Variants in HS2ST1 observed in about 807,000 individuals in gnomAD.
The protein encoded by HS2ST1 is heparan sulfate 2-O-sulfotransferase 1, also known as 2-O-sulfotransferase.
HS2ST1 carries 18 observed loss-of-function variants against 42.9 expected under a neutral mutation model. The ratio of observed to expected loss-of-function variants is 0.42; its 90% CI spans 0.29 to 0.62. The LOEUF (loss-of-function observed/expected upper bound fraction) is 0.62, where lower values mean the gene tolerates loss of function less well. Ranked by LOEUF, HS2ST1 falls within the 20% of genes least tolerant of loss-of-function variation. The pLI is 0.21. For synonymous variants in HS2ST1, 146 were observed against 152.9 expected (o/e 0.95, Z 0.33); for missense variants, 334 against 433.8 (o/e 0.77, Z 2.04).
At chr1:86,990,393 G>A (rs1167190703) in intron 1 of HS2ST1, among the ~76,000 whole-genome samples, 1 of 152,076 alleles carries the variant, frequency 6.6e-6, no homozygotes, top group African/African-American at 2.4e-5. Context: ...CAGAAATTAA[G>A]CATCACATTT....
In HS2ST1 at chr1:87,108,311, G is replaced by C. The variant is rs1652373967; in HGVS notation, c.*3615G>C. ...AATCATCTAACTGGATTTTTCCATT[G>C]GTCATTCCCAAACACACCTATGGTC... On this transcript the variant is annotated 3_prime_UTR_variant, in exon 7 of 7. Transcript: ENST00000370550. 6.6e-6 allele frequency: 1 copy of C among 151,956 alleles called. No homozygotes were observed. The highest frequency in any genetic ancestry group is 6.6e-5 in the Admixed American group (1 of 15,234). 9.4% of individuals were successfully genotyped at this position (151,956 alleles called of 1,614,324 possible).
chr1:87,036,855 A>G (rs1370507726), intron 1 of HS2ST1, among the ~76,000 whole-genome samples: 1 of 152,146 alleles, frequency 6.6e-6, no homozygotes, highest in Non-Finnish European at 1.5e-5. Flanking sequence ...GTATTTTAAA[A>G]CTGAGGGAAG....
intron 1 of HS2ST1, among the ~76,000 whole-genome samples, chr1:87,029,364 T>C (rs2100594211): frequency 1.3e-5 from 2 of 152,338 alleles, no homozygotes; most frequent in African/African-American, 4.8e-5. Context: ...TTCTAAACAT[T>C]TGTTTGATTT....
intron 3 of HS2ST1, among the ~76,000 whole-genome samples, chr1:87,089,675 C>T (rs1419132): frequency 0.69 from 104,660 of 151,826 alleles, 38,147 homozygotes; most frequent in East Asian, 0.82. Context: ...TCCAGCCCTT[C>T]GTGTCTATAT....
intron 1 of HS2ST1, chr1:87,045,628 C>A: frequency 2.6e-6 from 2 of 775,448 alleles, no homozygotes; most frequent in South Asian, 2.7e-5. Context: ...TCTATTTTTC[C>A]TGATAAGATC....
chr1:86,929,783 A>G (rs1660504730), intron 1 of HS2ST1, among the ~76,000 whole-genome samples: 1 of 151,858 alleles, frequency 6.6e-6, no homozygotes. Context: ...TTGCTTTATT[A>G]TATTGTCAGT....
chr1:86,961,703 T>A (rs988586938), intron 1 of HS2ST1, among the ~76,000 whole-genome samples: 2 of 152,148 alleles, frequency 1.3e-5, no homozygotes, highest in Non-Finnish European at 2.9e-5. Context: ...CAGCTCTTTC[T>A]AGTTTCAAAA....
At chr1:87,052,320 T>G (rs1650856601) in intron 1 of HS2ST1, among the ~76,000 whole-genome samples, 1 of 152,184 alleles carries the variant, frequency 6.6e-6, no homozygotes, top group African/African-American at 2.4e-5. Context: ...TACTTGAACT[T>G]CAGTTTTTAA....
At chr1:86,964,509 G>A (rs1026264787) in intron 1 of HS2ST1, among the ~76,000 whole-genome samples, 2 of 152,202 alleles carry the variant, frequency 1.3e-5, no homozygotes, top group Admixed American at 6.5e-5. Flanking sequence ...GTGGCGGCAC[G>A]CGCCTGCAAT....
intron 2 of HS2ST1, among the ~76,000 whole-genome samples, chr1:87,076,791 T>A (rs541274865): frequency 1.3e-5 from 2 of 152,352 alleles, no homozygotes; most frequent in Admixed American, 1.3e-4. Context: ...AAAAAAGAAT[T>A]CTTTTTTGCT....
chr1:87,048,355 C>A (rs2100611738), intron 1 of HS2ST1, among the ~76,000 whole-genome samples: 1 of 152,292 alleles, frequency 6.6e-6, no homozygotes, highest in South Asian at 2.1e-4. Context: ...GACAGTTTTA[C>A]TTCTTGCTCT....
chr1:87,016,206 G>T (rs1336083818), intron 1 of HS2ST1, among the ~76,000 whole-genome samples: 3 of 152,268 alleles, frequency 2.0e-5, no homozygotes, highest in Non-Finnish European at 4.4e-5. Context: ...ATTTAACTCA[G>T]AATTTAAAGT....
chr1:87,028,822 G>C (rs1157983142), intron 1 of HS2ST1, among the ~76,000 whole-genome samples: 1 of 152,092 alleles, frequency 6.6e-6, no homozygotes, highest in Admixed American at 6.5e-5. Context: ...TACTGCCACT[G>C]TTCTGTTATT....
At chr1:86,930,582 T>C (rs1331444477) in intron 1 of HS2ST1, among the ~76,000 whole-genome samples, 1 of 151,960 alleles carries the variant, frequency 6.6e-6, no homozygotes, top group Non-Finnish European at 1.5e-5. Flanking sequence ...TAAAGGACCT[T>C]ACCATTTTCT....
chr1:87,037,070 G>C (rs1384901954), intron 1 of HS2ST1, among the ~76,000 whole-genome samples: 1 of 151,230 alleles, frequency 6.6e-6, no homozygotes, highest in Non-Finnish European at 1.5e-5. Flanking sequence ...CAATTCATTT[G>C]TTTTGCTGAT....
intron 1 of HS2ST1, among the ~76,000 whole-genome samples, chr1:87,015,348 GT>G (rs35791774): frequency 0.13 from 17,429 of 131,466 alleles, 1,011 homozygotes; most frequent in African/African-American, 0.16. Flanking sequence ...GCCTGGCCCT[GT>G]TTTTTTTTTT....
At chr1:87,050,500 C>T (rs1487810241) in intron 1 of HS2ST1, among the ~76,000 whole-genome samples, 1 of 151,854 alleles carries the variant, frequency 6.6e-6, no homozygotes, top group Non-Finnish European at 1.5e-5. Flanking sequence ...GCTACAGAGA[C>T]TCCTGTAAAA....
intron 1 of HS2ST1, among the ~76,000 whole-genome samples, chr1:87,051,896 GAA>G (rs1205623214): frequency 1.3e-5 from 2 of 152,160 alleles, no homozygotes; most frequent in African/African-American, 2.4e-5. Context: ...AAAGATTCAT[GAA>G]AAATACAAAT....
intron 1 of HS2ST1, among the ~76,000 whole-genome samples, chr1:86,992,298 T>G (rs1388282551): frequency 1.3e-5 from 2 of 152,084 alleles, no homozygotes; most frequent in East Asian, 3.9e-4. Flanking sequence ...CATTCTCATC[T>G]TGAATAACTC....
Sources: gnomAD v4.1 joint callset for allele counts (sites outside exome capture counted in the v4.1 genomes callset) on GRCh38, gnomAD v4.1.1 for gene constraint, MANE v1.5 for transcripts, NCBI Gene and HGNC (gene_info 2026-07-23, HGNC 2026-07-21) for gene names.